The following BPTF variants were observed in gnomAD, a reference collection of about 807,000 sequenced individuals.
BPTF encodes bromodomain PHD finger transcription factor.
A neutral mutation model predicts 292.5 loss-of-function variants in BPTF; 18 were observed. The observed-to-expected ratio is 0.06, with a 90% CI of 0.04 to 0.09. BPTF has a LOEUF of 0.09. BPTF is among the 10% of genes least tolerant of loss of function. BPTF has a pLI of 1.00. For missense variants in BPTF, 2,726 were observed against 3,498.7 expected, an observed-to-expected ratio of 0.78 and a Z score of 5.57; for synonymous variants, 1,225 against 1,251.9, an observed-to-expected ratio of 0.98 and a Z score of 0.45.
At chr17:67,939,086 T>C (rs1395274375) in intron 18 of BPTF, among the ~76,000 whole-genome samples, 1 of 152,228 alleles carries the variant, frequency 6.6e-6, no homozygotes, top group Admixed American at 6.5e-5. Context: ...AAACTTCAAC[T>C]TAGTACTATA....
At chr17:67,980,816 T>C (rs1250601008) in intron 27 of BPTF, among the ~76,000 whole-genome samples, 2 of 152,230 alleles carry the variant, frequency 1.3e-5, no homozygotes, top group Non-Finnish European at 2.9e-5. Context: ...ATAATTTTCA[T>C]TAAAGCACAT....
intron 23 of BPTF, chr17:67,951,033 T>A (rs1218306122): frequency 2.0e-5 from 3 of 152,130 alleles, no homozygotes; most frequent in African/African-American, 7.2e-5. Context: ...GGTCTCGAAC[T>A]CCTGGCCTCA....
intron 27 of BPTF, among the ~76,000 whole-genome samples, chr17:67,979,012 C>T (rs1417336493): frequency 6.6e-6 from 1 of 150,996 alleles, no homozygotes; most frequent in Non-Finnish European, 1.5e-5. Context: ...CCCATCTTTA[C>T]AAAACACAAA....
chr17:67,982,181 A>G (rs1555696962), intron 27 of BPTF, 71 bp from the exon 28 acceptor site: 1 of 1,384,820 alleles, frequency 7.2e-7, no homozygotes, highest in Non-Finnish European at 1.0e-6. Flanking sequence ...TGACCTTGGC[A>G]TCCGCATAAA....
chr17:67,891,897 G>A lies in BPTF; in HGVS notation c.1918G>A (p.Ala640Thr), dbSNP rs780141003. The change falls in exon 5 of 28, where the codon GCT (alanine) becomes ACT (threonine). Residue 640 changes from alanine to threonine, a missense_variant. Around this residue, in one of 22 missense-constraint regions of BPTF, gnomAD observed 187 missense variants for 201.5 expected, o/e 0.93. Coordinates refer to ENST00000306378, the MANE Select transcript of BPTF (RefSeq NM_182641.4). The stretch of plus-strand genomic sequence containing the variant: ...CGGGGAGCTAAGTGAATCTCCTGGA[G>A]CTGGAAAAGGAGCATCTGGCTCAAC... ...SNGELSESPG[A>T]GKGASGSTRI... 1 of 1,611,744 alleles carries A rather than the reference G, an allele frequency of 6.2e-7. No homozygotes were observed. The highest frequency in any genetic ancestry group is 1.1e-5 in the South Asian group (1 of 90,534).
Position 67,825,620 on chromosome 17 carries a change from G to A in BPTF, c.-105G>A. On this transcript the variant is annotated 5_prime_UTR_variant, in exon 1 of 28. Transcript: ENST00000306378. ...CGCTTCCGTCGGCCGGGCCCCTCCC[G>A]CCCGGCCCCGCGGGCCTCCCCACCC... 4.9e-6 allele frequency: 1 copy of A among 205,398 alleles called. No homozygotes were observed. Among genetic ancestry groups the A allele is most frequent in the East Asian group, 2.4e-4 (1 of 4,138 alleles). 12.7% of individuals were successfully genotyped at this position (205,398 alleles called of 1,614,324 possible).
intron 1 of BPTF, among the ~76,000 whole-genome samples, chr17:67,842,475 T>G (rs2057634149): frequency 6.6e-6 from 1 of 152,158 alleles, no homozygotes. Context: ...CCACTTTTCT[T>G]CTTAGACCTC....
intron 26 of BPTF, 93 bp downstream of exon 26, chr17:67,966,749 G>T: frequency 9.2e-7 from 1 of 1,092,234 alleles, no homozygotes; most frequent in Non-Finnish European, 1.3e-6. Flanking sequence ...TTTTAGCAAG[G>T]CTGGTGGGGG....
intron 9 of BPTF, 54 bp downstream of exon 9, chr17:67,904,894 A>G (rs959771296): frequency 9.1e-5 from 126 of 1,387,068 alleles, no homozygotes; most frequent in Non-Finnish European, 1.1e-4. Context: ...TATATTTCTT[A>G]TAAATTTGTA....
intron 9 of BPTF, 70 bp from the exon 10 acceptor site, chr17:67,909,512 C>A: frequency 1.0e-6 from 1 of 961,734 alleles, no homozygotes; most frequent in Non-Finnish European, 1.4e-6. Context: ...TTTATTTTCA[C>A]TAAACTTGAC....
chr17:67,973,159 G>A (rs1188602858), intron 26 of BPTF, among the ~76,000 whole-genome samples: 7 of 149,262 alleles, frequency 4.7e-5, no homozygotes. Flanking sequence ...AGGATCACGA[G>A]GTCAGGAGAT....
chr17:67,969,420 C>T (rs1555689526), intron 26 of BPTF, among the ~76,000 whole-genome samples: 1 of 140,330 alleles, frequency 7.1e-6, no homozygotes, highest in Non-Finnish European at 1.5e-5. Context: ...CCACTGCACT[C>T]CAGCCTGGGC....
At chr17:67,870,881 T>C in intron 3 of BPTF, among the ~76,000 whole-genome samples, 1 of 143,052 alleles carries the variant, frequency 7.0e-6, no homozygotes, top group Non-Finnish European at 1.5e-5. Context: ...GCCATTCTCC[T>C]GCCTCAGCCT....
intron 1 of BPTF, among the ~76,000 whole-genome samples, chr17:67,834,469 T>G (rs1412146367): frequency 6.6e-6 from 1 of 152,136 alleles, no homozygotes. Context: ...TGTCTGACTT[T>G]CTGCTTGTTC....
At chr17:67,859,116 T>C (rs2058917151) in intron 2 of BPTF, among the ~76,000 whole-genome samples, 1 of 152,054 alleles carries the variant, frequency 6.6e-6, no homozygotes, top group Non-Finnish European at 1.5e-5. Flanking sequence ...ATAATGTAGG[T>C]ACTATATTTT....
intron 1 of BPTF, among the ~76,000 whole-genome samples, chr17:67,836,286 G>A (rs2057127148): frequency 6.6e-6 from 1 of 152,086 alleles, no homozygotes; most frequent in Non-Finnish European, 1.5e-5. Flanking sequence ...TTGGGAAACG[G>A]CATGGCCATG....
chr17:67,943,169 A>G (rs1361712704), intron 19 of BPTF, among the ~76,000 whole-genome samples: 6 of 152,214 alleles, frequency 3.9e-5, no homozygotes, highest in African/African-American at 7.2e-5. Flanking sequence ...GACACTGGCA[A>G]TGGTGACCAC....
intron 1 of BPTF, among the ~76,000 whole-genome samples, chr17:67,852,890 C>T (rs989414710): frequency 1.8e-4 from 27 of 152,224 alleles, no homozygotes; most frequent in African/African-American, 6.5e-4. Flanking sequence ...AATCCTGGCA[C>T]TTTGGCAGGC....
chr17:67,857,070 C>G (rs1028918859), intron 2 of BPTF, among the ~76,000 whole-genome samples: 2 of 151,660 alleles, frequency 1.3e-5, no homozygotes, highest in African/African-American at 4.8e-5. Context: ...TCAGTAATCA[C>G]TTGTTCATCT....
Sources: gnomAD v4.1 joint callset for allele counts (sites outside exome capture counted in the v4.1 genomes callset) on GRCh38, gnomAD v4.1.1 for gene constraint, gnomAD v4.1.1 regional missense constraint, MANE v1.5 for transcripts, NCBI Gene and HGNC (gene_info 2026-07-23, HGNC 2026-07-21) for gene names.